ATP7A: variants seen among roughly 807,000 people sequenced by gnomAD.
ATP7A encodes the protein ATPase copper transporting alpha, also known as copper-transporting ATPase 1.
Under a neutral mutation model 83.5 loss-of-function variants are expected in ATP7A, and 7 were observed. The observed-to-expected ratio is 0.08, with a 90% CI of 0.05 to 0.16. ATP7A has a LOEUF of 0.16. Ranked by LOEUF, ATP7A falls within the 10% of genes least tolerant of loss-of-function variation. ATP7A has a pLI of 1.00. For synonymous variants in ATP7A, 354 were observed against 395.2 expected (o/e 0.90, Z 1.24); for missense variants, 940 against 1,120.8 (o/e 0.84, Z 2.30).
chrX:77,986,819 C>G (rs1293710821), intron 2 of ATP7A, among the ~76,000 whole-genome samples: 2 of 111,798 alleles, frequency 1.8e-5, no homozygotes, highest in East Asian at 5.6e-4. Flanking sequence ...TCACTCCACC[C>G]TACTACACTA....
chrX:78,029,018 A>T (rs2077965186), intron 14 of ATP7A, among the ~76,000 whole-genome samples: 1 of 112,198 alleles, frequency 8.9e-6, no homozygotes, highest in Non-Finnish European at 1.9e-5. Context: ...AATATGGAGC[A>T]CTTATATTCA....
intron 14 of ATP7A, among the ~76,000 whole-genome samples, chrX:78,027,321 C>T (rs191551975): frequency 2.2e-4 from 25 of 111,468 alleles, no homozygotes; most frequent in Non-Finnish European, 4.7e-4. Flanking sequence ...ACGTCCAACT[C>T]GAGAACTAAA....
At chrX:77,946,681 T>TA (rs1456783330) in intron 1 of ATP7A, among the ~76,000 whole-genome samples, 1 of 87,573 alleles carries the variant, frequency 1.1e-5, no homozygotes, top group Non-Finnish European at 2.2e-5. Context: ...TTCTGAAATA[T>TA]AAAAAATAAG....
At position 77,994,512 on chromosome X, in the gene ATP7A, C is replaced by T. The variant is rs1603382320; in HGVS notation, c.1337-3966C>T. Among the ~76,000 whole-genome samples, 3 of 110,791 alleles carry T rather than the reference C, an allele frequency of 2.7e-5. No homozygotes were observed. In the South Asian group the frequency reaches 1.2e-3, roughly 42 times the overall value. The stretch of plus-strand genomic sequence containing the variant: ...GCACCATGTATAGCATCTACCTAGT[C>T]CTTAGGAACTATGACTGCAGCAAGT... On this transcript the variant is annotated intron_variant, in intron 4 of 22. Transcript: ENST00000341514.
intron 14 of ATP7A, among the ~76,000 whole-genome samples, chrX:78,024,644 A>G (rs1445264531): frequency 1.8e-5 from 2 of 111,975 alleles, no homozygotes; most frequent in African/African-American, 6.5e-5. Flanking sequence ...AAGGAGGGAC[A>G]GACAAATCAC....
rs782432482 is a variant in ATP7A at position 77,974,440 on chromosome X, G to C, written c.120+2679G>C. ...ATTGCAGGTGTGAGCCACTGCACCT[G>C]GCCACATAGTTTTATTTATTCCTTT... On this transcript the variant is annotated intron_variant, in intron 2 of 22. Transcript: ENST00000341514. Among the ~76,000 whole-genome samples the C allele has an allele frequency of 7.2e-5, 8 of 110,912 alleles. No individual in the cohort carries two copies. In the South Asian group the frequency reaches 3.0e-3, roughly 42 times the overall value.
At chrX:78,045,937 C>T (rs782719212) in intron 22 of ATP7A, among the ~76,000 whole-genome samples, 13 of 111,681 alleles carry the variant, frequency 1.2e-4, no homozygotes, top group Non-Finnish European at 2.3e-4. Context: ...GAGCTGAGAT[C>T]GTGCCACTGC....
At chrX:78,006,378 A>T (rs2077774751) in intron 6 of ATP7A, among the ~76,000 whole-genome samples, 1 of 112,493 alleles carries the variant, frequency 8.9e-6, no homozygotes, top group Non-Finnish European at 1.9e-5. Context: ...GTCATTAGGG[A>T]CTAAAATTAT....
intron 14 of ATP7A, among the ~76,000 whole-genome samples, chrX:78,021,909 C>G (rs1488000685): frequency 9.0e-5 from 10 of 111,130 alleles, no homozygotes; most frequent in African/African-American, 2.3e-4. Flanking sequence ...TCCCCTACCC[C>G]CGACTGATTC....
At chrX:77,991,229 C>T (rs1449642511) in intron 4 of ATP7A, among the ~76,000 whole-genome samples, 1 of 111,532 alleles carries the variant, frequency 9.0e-6, no homozygotes, top group Non-Finnish European at 1.9e-5. Flanking sequence ...ATTTCTCCTT[C>T]CCCTCCCCAA....
At position 78,041,786 on chromosome X, in the gene ATP7A, G is replaced by A. The variant is rs183786763; in HGVS notation, c.3802-799G>A. ...TTGTTCAGTAGTTTGCTTTTTTTAC[G>A]TAACAGTATACTTTGGAGCTTCATC... On this transcript the variant is annotated intron_variant, in intron 19 of 22. Transcript: ENST00000341514. Among the ~76,000 whole-genome samples the A allele has an allele frequency of 4.5e-4, 50 of 110,425 alleles. No individual in the cohort carries two copies. The East Asian group carries it at 9.9e-3, about 22-fold the overall frequency.
rs782099855 is a variant in ATP7A at position 77,943,490 on chromosome X, A to G, written c.-21-28131A>G. On this transcript the variant is annotated intron_variant, in intron 1 of 22. Coordinates refer to ENST00000341514, the MANE Select transcript of ATP7A (RefSeq NM_000052.7). The stretch of plus-strand genomic sequence containing the variant: ...CTACAAATGTCCAAAGCTATAGAAG[A>G]CAATAAATGCATCCAATTCAGACAA... Among the ~76,000 whole-genome samples the G allele has an allele frequency of 4.3e-4, 48 of 112,329 alleles. No individual in the cohort carries two copies. The Admixed American group carries it at 4.6e-3, about 11-fold the overall frequency.
At chrX:77,979,810 G>T (rs1207110301) in intron 2 of ATP7A, among the ~76,000 whole-genome samples, 1 of 112,646 alleles carries the variant, frequency 8.9e-6, no homozygotes, top group Non-Finnish European at 1.9e-5. Context: ...ATGACTATTT[G>T]CCTTTGCAAC....
chrX:78,002,126 G>C (rs1391163373), intron 5 of ATP7A, among the ~76,000 whole-genome samples: 1 of 108,310 alleles, frequency 9.2e-6, no homozygotes, highest in African/African-American at 3.4e-5. Flanking sequence ...GTGCATTGCA[G>C]TGGCATGAAC....
intron 13 of ATP7A, 149 bp downstream of exon 13, chrX:78,020,547 C>A: frequency 1.4e-6 from 1 of 691,496 alleles, no homozygotes; most frequent in Non-Finnish European, 2.2e-6. Context: ...GGGTCTCACT[C>A]TGTTGCACAG....
intron 17 of ATP7A, among the ~76,000 whole-genome samples, chrX:78,037,372 T>C (rs2078019812): frequency 8.9e-6 from 1 of 112,438 alleles, no homozygotes; most frequent in African/African-American, 3.2e-5. Context: ...ACTAGCCACA[T>C]TTCAGTGCTC....
At chrX:78,014,273 C>T (rs1169820564) in intron 10 of ATP7A, among the ~76,000 whole-genome samples, 4 of 108,422 alleles carry the variant, frequency 3.7e-5, no homozygotes, top group Admixed American at 2.0e-4. Context: ...GGCATGGTGG[C>T]GCGCGTCTGT....
At chrX:78,007,365 G>T (rs1021042176) in intron 6 of ATP7A, among the ~76,000 whole-genome samples, 2 of 108,776 alleles carry the variant, frequency 1.8e-5, no homozygotes, top group Non-Finnish European at 3.8e-5. Flanking sequence ...TCGCTCTGTC[G>T]CCCAGGCTGG....
chrX:78,026,010 C>T (rs942274742), intron 14 of ATP7A, among the ~76,000 whole-genome samples: 1 of 111,309 alleles, frequency 9.0e-6, no homozygotes, highest in Admixed American at 9.6e-5. Context: ...GCTCACAGAC[C>T]CTATAAAGCA....
Sources: allele counts gnomAD v4.1 joint callset (sites outside exome capture counted in the v4.1 genomes callset), GRCh38; gene constraint gnomAD v4.1.1; transcripts MANE v1.5; gene names NCBI Gene and HGNC (gene_info 2026-07-23, HGNC 2026-07-21).